Variants in MSRB3 observed in about 807,000 individuals in gnomAD.
MSRB3 encodes the protein methionine sulfoxide reductase B3.
Under a neutral mutation model 21.0 loss-of-function variants are expected in MSRB3, and 13 were observed. That is an observed-to-expected ratio of 0.62 (90% CI 0.40 to 0.98). MSRB3 has a LOEUF of 0.98. Ranked by LOEUF, MSRB3 falls within the 50% of genes least tolerant of loss-of-function variation. The probability of loss-of-function intolerance (pLI) is 0.00; values close to 1 mark genes in which losing one functional copy is unlikely to be tolerated. For missense variants in MSRB3, 199 were observed against 230.3 expected (o/e 0.86, Z 0.88); for synonymous variants, 87 against 88.6 (o/e 0.98, Z 0.10).
intron 4 of MSRB3, among the ~76,000 whole-genome samples, chr12:65,342,397 C>A (rs1252601324): frequency 4.0e-5 from 6 of 151,734 alleles, no homozygotes; most frequent in Admixed American, 3.9e-4. Context: ...AATCTTTCAC[C>A]TCTTAATAAT....
chr12:65,344,976 T>C lies in MSRB3; in HGVS notation c.263+16373T>C, dbSNP rs73318494. Among the ~76,000 whole-genome samples the C allele has an allele frequency of 5.4e-3, 814 of 152,112 alleles. 5 individuals carry two copies. The highest frequency in any genetic ancestry group is 0.019 in the African/African-American group (775 of 41,530). Reference sequence around the variant, plus strand: ...CCATAATTCTTATGCTTGGTTCCCATGAGTCCAGGCGAAGGTTAAGGAAGC... The same window carrying C: ...CCATAATTCTTATGCTTGGTTCCCACGAGTCCAGGCGAAGGTTAAGGAAGC... On this transcript the variant is annotated intron_variant, in intron 4 of 6. Coordinates refer to ENST00000308259, the MANE Select transcript of MSRB3 (RefSeq NM_001031679.3).
At chr12:65,446,668 A>G (rs1882632091) in intron 5 of MSRB3, among the ~76,000 whole-genome samples, 1 of 152,182 alleles carries the variant, frequency 6.6e-6, no homozygotes, top group Non-Finnish European at 1.5e-5. Context: ...GAAGAAATCC[A>G]TTGCAAAGAG....
At chr12:65,280,729 G>T (rs57749933) in intron 1 of MSRB3, among the ~76,000 whole-genome samples, 12,618 of 152,146 alleles carry the variant, frequency 0.083, 1,349 homozygotes, top group African/African-American at 0.24. Context: ...GTATGGCAAG[G>T]TTGCAGCATA....
At chr12:65,337,908 T>G (rs1875888877) in intron 4 of MSRB3, among the ~76,000 whole-genome samples, 1 of 152,196 alleles carries the variant, frequency 6.6e-6, no homozygotes, top group Non-Finnish European at 1.5e-5. Context: ...CATTTGTCAT[T>G]TGCAAATCTC....
chr12:65,302,562 T>TA (rs138766477), intron 1 of MSRB3, among the ~76,000 whole-genome samples: 14 of 152,148 alleles, frequency 9.2e-5, no homozygotes, highest in Admixed American at 5.2e-4. Context: ...TTGAGTAAGT[T>TA]AAAAAAAATT....
chr12:65,335,720 T>C (rs1875723147), intron 4 of MSRB3, among the ~76,000 whole-genome samples: 1 of 152,162 alleles, frequency 6.6e-6, no homozygotes, highest in Non-Finnish European at 1.5e-5. Context: ...AAAACTCTCC[T>C]TACGATATTT....
intron 5 of MSRB3, among the ~76,000 whole-genome samples, chr12:65,404,320 T>G (rs1380571278): frequency 1.3e-5 from 2 of 152,246 alleles, no homozygotes; most frequent in Non-Finnish European, 2.9e-5. Context: ...AATAACACCA[T>G]ACCACTTTGT....
At chr12:65,337,197 C>T (rs1875824027) in intron 4 of MSRB3, among the ~76,000 whole-genome samples, 1 of 151,800 alleles carries the variant, frequency 6.6e-6, no homozygotes, top group Non-Finnish European at 1.5e-5. Context: ...GAGCGGAGAT[C>T]GCGCCACAGC....
At chr12:65,398,220 C>T (rs1244393846) in intron 5 of MSRB3, among the ~76,000 whole-genome samples, 1 of 152,186 alleles carries the variant, frequency 6.6e-6, no homozygotes, top group Non-Finnish European at 1.5e-5. Flanking sequence ...ATTTACACTC[C>T]TACCAACAGT....
chr12:65,394,056 G>A (rs1457748786), intron 5 of MSRB3, among the ~76,000 whole-genome samples: 1 of 152,016 alleles, frequency 6.6e-6, no homozygotes, highest in Non-Finnish European at 1.5e-5. Context: ...CTGGTGGAAA[G>A]ATTATCTAGT....
intron 5 of MSRB3, among the ~76,000 whole-genome samples, chr12:65,432,302 G>C (rs1881914286): frequency 6.6e-6 from 1 of 151,956 alleles, no homozygotes; most frequent in African/African-American, 2.4e-5. Context: ...TCCATATGCT[G>C]TTTATAACAA....
At chr12:65,415,733 C>T (rs577640773) in intron 5 of MSRB3, among the ~76,000 whole-genome samples, 2 of 152,294 alleles carry the variant, frequency 1.3e-5, no homozygotes, top group South Asian at 2.1e-4. Context: ...GTGTGATTCT[C>T]TTCTGTTTTC....
At chr12:65,279,525 T>A (rs1871884191) in intron 1 of MSRB3, 1 of 152,036 alleles carries the variant, frequency 6.6e-6, no homozygotes, top group South Asian at 2.1e-4. Context: ...CAGGTATCAG[T>A]TTTGCTTTGT....
At chr12:65,370,750 CT>C (rs1878272593) in intron 5 of MSRB3, among the ~76,000 whole-genome samples, 1 of 151,312 alleles carries the variant, frequency 6.6e-6, no homozygotes, top group South Asian at 2.1e-4. Flanking sequence ...TTTTCAAGTT[CT>C]TATTTAAAAA....
intron 5 of MSRB3, among the ~76,000 whole-genome samples, chr12:65,394,589 T>C (rs1327410420): frequency 6.6e-6 from 1 of 152,216 alleles, no homozygotes; most frequent in African/African-American, 2.4e-5. Flanking sequence ...CCCAACTCAT[T>C]CTACAGGGTC....
chr12:65,341,370 GGA>G (rs58071061), intron 4 of MSRB3, among the ~76,000 whole-genome samples: 12,714 of 151,032 alleles, frequency 0.084, 1,812 homozygotes, highest in African/African-American at 0.29. Flanking sequence ...TTGAACTCAT[GGA>G]GAGAGAGAGA....
chr12:65,327,894 G>T (rs1875155874), intron 3 of MSRB3, among the ~76,000 whole-genome samples: 1 of 152,170 alleles, frequency 6.6e-6, no homozygotes, highest in African/African-American at 2.4e-5. Context: ...CTAGCAAAAT[G>T]ATTTAATGCA....
At chr12:65,453,908 C>T in intron 6 of MSRB3, 83 bp downstream of exon 6, 1 of 1,105,812 alleles carries the variant, frequency 9.0e-7, no homozygotes, top group Non-Finnish European at 1.4e-6. Flanking sequence ...GGCCAAGCGA[C>T]TGGTCACAAG....
At chr12:65,307,935 A>G (rs1873753236) in intron 1 of MSRB3, among the ~76,000 whole-genome samples, 1 of 152,198 alleles carries the variant, frequency 6.6e-6, no homozygotes, top group Non-Finnish European at 1.5e-5. Context: ...TGAAATTCTA[A>G]CAAAATGTGT....
Sources: allele counts gnomAD v4.1 joint callset (sites outside exome capture counted in the v4.1 genomes callset), GRCh38; gene constraint gnomAD v4.1.1; transcripts MANE v1.5; gene names NCBI Gene and HGNC (gene_info 2026-07-23, HGNC 2026-07-21).